The following HTR7 variants were observed in gnomAD, a reference collection of about 807,000 sequenced individuals.
The protein encoded by HTR7 is 5-HT-7.
In HTR7, 16 loss-of-function variants were observed where a neutral mutation model predicts 34.0. That is an observed-to-expected ratio of 0.47 (90% CI 0.32 to 0.71). The LOEUF (loss-of-function observed/expected upper bound fraction) is 0.71, where lower values mean the gene tolerates loss of function less well. Ranked by LOEUF, HTR7 falls within the 30% of genes least tolerant of loss-of-function variation. The pLI is 0.04. For synonymous variants in HTR7, 265 were observed against 260.2 expected (o/e 1.02, Z -0.18); for missense variants, 504 against 625.5 (o/e 0.81, Z 2.07).
In HTR7 at chr10:90,749,993, C is replaced by A. The variant is rs1201358744; in HGVS notation, c.540-399G>T. Among the ~76,000 whole-genome samples, 4 of 152,198 alleles carry A rather than the reference C, an allele frequency of 2.6e-5. No homozygotes were observed. The highest frequency in any genetic ancestry group is 5.9e-5 in the Non-Finnish European group (4 of 68,032). ...ATTCTCAAAACTTAACCAAGGTCTACCACACTCTGGTATTATACACCCAGT... is the reference window on the plus strand; with the variant it reads ...ATTCTCAAAACTTAACCAAGGTCTAACACACTCTGGTATTATACACCCAGT... On this transcript the variant is annotated intron_variant, in intron 1 of 3. Coordinates refer to ENST00000336152, the MANE Select transcript of HTR7 (RefSeq NM_019859.4). This position sits in a 1 kb window ranked among gnomAD's most constrained non-coding sequence, Gnocchi z 4.2.
At chr10:90,743,882 T>C in intron 2 of HTR7, 192 bp from the exon 3 acceptor site, 1 of 703,850 alleles carries the variant, frequency 1.4e-6, no homozygotes, top group Non-Finnish European at 2.6e-6. Context: ...TTTTCCTCCA[T>C]CTATTCACTT....
chr10:90,834,000 A>G (rs908148918), intron 1 of HTR7, among the ~76,000 whole-genome samples: 4 of 152,230 alleles, frequency 2.6e-5, no homozygotes, highest in East Asian at 1.9e-4. Context: ...GCTGTTGTCT[A>G]TCTATAGGTA....
At chr10:90,853,062 G>A (rs900550890) in intron 1 of HTR7, among the ~76,000 whole-genome samples, 3 of 151,238 alleles carry the variant, frequency 2.0e-5, no homozygotes, top group Non-Finnish European at 4.4e-5. Context: ...ATCCACCACC[G>A]AGATTAAGAA....
At position 90,850,027 on chromosome 10, in the gene HTR7, G is replaced by A. The variant is rs1383487214; in HGVS notation, c.539+7106C>T. Among the ~76,000 whole-genome samples the A allele has an allele frequency of 4.6e-5, 7 of 152,230 alleles. No individual in the cohort carries two copies. The South Asian group carries it at 1.4e-3, about 31-fold the overall frequency. ...CTAAGGATCCAGGTAAAGAGCCTCA[G>A]CAGAGAGTTGCTAATAAGGGGCAAA... On this transcript the variant is annotated intron_variant, in intron 1 of 3. Coordinates refer to ENST00000336152, the MANE Select transcript of HTR7 (RefSeq NM_019859.4).
At chr10:90,836,497 T>C (rs1846254527) in intron 1 of HTR7, among the ~76,000 whole-genome samples, 1 of 152,086 alleles carries the variant, frequency 6.6e-6, no homozygotes, top group Non-Finnish European at 1.5e-5. Flanking sequence ...CCTTTGTGAA[T>C]ATATATTGTT....
intron 1 of HTR7, among the ~76,000 whole-genome samples, chr10:90,752,009 C>T (rs984227658): frequency 1.3e-5 from 2 of 152,158 alleles, no homozygotes; most frequent in Non-Finnish European, 2.9e-5. Flanking sequence ...ATATTTCAAT[C>T]ATGATTAGTC....
At chr10:90,839,999 T>C (rs1846303530) in intron 1 of HTR7, among the ~76,000 whole-genome samples, 1 of 151,826 alleles carries the variant, frequency 6.6e-6, no homozygotes, top group South Asian at 2.1e-4. Flanking sequence ...TGTGTCTTTA[T>C]CCACTTTTGT....
At chr10:90,853,833 G>A (rs753677218) in intron 1 of HTR7, among the ~76,000 whole-genome samples, 14 of 152,146 alleles carry the variant, frequency 9.2e-5, no homozygotes, top group East Asian at 3.8e-4. Context: ...GGAATAGCTC[G>A]GGGCTGGACA....
At chr10:90,762,736 G>A (rs535037441) in intron 1 of HTR7, among the ~76,000 whole-genome samples, 31 of 152,118 alleles carry the variant, frequency 2.0e-4, no homozygotes, top group African/African-American at 6.5e-4. Context: ...GCTTTTACCC[G>A]GTGTTTTCTT....
chr10:90,856,391 T>C (rs998996552), intron 1 of HTR7, among the ~76,000 whole-genome samples: 4 of 152,174 alleles, frequency 2.6e-5, no homozygotes, highest in African/African-American at 9.7e-5. Flanking sequence ...CCTAGTTCAA[T>C]ATGACACCCA....
intron 1 of HTR7, among the ~76,000 whole-genome samples, chr10:90,833,270 AG>A (rs1383055730): frequency 1.3e-5 from 2 of 152,188 alleles, no homozygotes; most frequent in African/African-American, 4.8e-5. Context: ...TCCAAGCTCT[AG>A]ATATGTTATT....
intron 1 of HTR7, among the ~76,000 whole-genome samples, chr10:90,822,199 A>G (rs542464249): frequency 6.6e-6 from 1 of 152,324 alleles, no homozygotes; most frequent in East Asian, 1.9e-4. Flanking sequence ...GGAACTTCCT[A>G]GAGACTTGTT....
chr10:90,807,318 T>C (rs1396073141), intron 1 of HTR7, among the ~76,000 whole-genome samples: 1 of 152,120 alleles, frequency 6.6e-6, no homozygotes, highest in Non-Finnish European at 1.5e-5. Flanking sequence ...AGCCAAGCCA[T>C]CGCATCCCCT....
intron 1 of HTR7, among the ~76,000 whole-genome samples, chr10:90,806,988 C>T (rs1338264124): frequency 6.6e-6 from 1 of 152,194 alleles, no homozygotes; most frequent in Non-Finnish European, 1.5e-5. Context: ...CAATTAACTA[C>T]TGAAACCAGA....
chr10:90,749,290 C>T lies in HTR7; in HGVS notation c.844G>A (p.Glu282Lys). The change falls in exon 2 of 4, where the codon GAG (glutamate) becomes AAG (lysine). Residue 282 changes from glutamate to lysine, a missense_variant. Physicochemically the swap from Glu to Lys is moderately conservative, Grantham distance 56. Transcript: ENST00000336152. The surrounding 1 kb of genome is among the most constrained non-coding windows in gnomAD (Gnocchi z 4.2). ...TTCAGGGCGATGACGCTGTCTGGCT[C>T]CACTCGAGGGAAGCCAGGAAACTTG... ...KHKFPGFPRV[E>K]PDSVIALNGI... 1 of 1,614,138 alleles carries T rather than the reference C, an allele frequency of 6.2e-7. No individual in the cohort carries two copies. The highest frequency in any genetic ancestry group is 1.1e-5 in the South Asian group (1 of 91,078).
At chr10:90,789,435 CA>C (rs1845431782) in intron 1 of HTR7, among the ~76,000 whole-genome samples, 1 of 152,122 alleles carries the variant, frequency 6.6e-6, no homozygotes, top group East Asian at 1.9e-4. Context: ...AAAACTGTGT[CA>C]GGAGGGATAT....
chr10:90,857,011 A>T lies in HTR7; in HGVS notation c.539+122T>A. 2.2e-6 allele frequency: 2 copies of T among 913,216 alleles called. No homozygotes were observed. Among genetic ancestry groups the T allele is most frequent in the Non-Finnish European group, 3.3e-6 (2 of 612,038 alleles). 56.6% of individuals were successfully genotyped at this position (913,216 alleles called of 1,614,324 possible). On this transcript the variant is annotated intron_variant, in intron 1 of 3. Transcript: ENST00000336152. The surrounding 1 kb of genome is among the most constrained non-coding windows in gnomAD (Gnocchi z 6.5). ...GGTGGATTGGGGGGAGCGGTGTTTTAAGCGCAGCCCTTCATCCCGCCTTGA... is the reference window on the plus strand; with the variant it reads ...GGTGGATTGGGGGGAGCGGTGTTTTTAGCGCAGCCCTTCATCCCGCCTTGA...
intron 1 of HTR7, among the ~76,000 whole-genome samples, chr10:90,807,909 T>G (rs1845729229): frequency 6.6e-6 from 1 of 152,204 alleles, no homozygotes. Context: ...TCTTACTCTC[T>G]TCTTCAACCT....
chr10:90,768,593 C>T (rs1314411321), intron 1 of HTR7, among the ~76,000 whole-genome samples: 1 of 152,046 alleles, frequency 6.6e-6, no homozygotes, highest in Admixed American at 6.6e-5. Context: ...CTGCATGTTG[C>T]TTTTTTCACT....
Sources: allele counts gnomAD v4.1 joint callset (sites outside exome capture counted in the v4.1 genomes callset), GRCh38; gene constraint gnomAD v4.1.1; non-coding constraint Gnocchi (gnomAD v3.1); transcripts MANE v1.5; gene names NCBI Gene and HGNC (gene_info 2026-07-23, HGNC 2026-07-21).